Variants in CILK1 observed in about 807,000 individuals in gnomAD.
CILK1 encodes the protein serine/threonine-protein kinase ICK.
In CILK1, 47 loss-of-function variants were observed where a neutral mutation model predicts 79.2. That is an observed-to-expected ratio of 0.59 (90% confidence interval 0.47 to 0.76). The LOEUF (loss-of-function observed/expected upper bound fraction) is 0.76. Among genes scored for constraint, CILK1 ranks in the 30% least tolerant of loss-of-function variants. The pLI is 0.00. For synonymous variants in CILK1, 266 were observed against 275.9 expected (o/e 0.96, Z 0.36); for missense variants, 660 against 769.5 (o/e 0.86, Z 1.68).
intron 2 of CILK1, among the ~76,000 whole-genome samples, chr6:53,040,727 C>G (rs963942681): frequency 1.3e-5 from 2 of 152,204 alleles, no homozygotes; most frequent in African/African-American, 4.8e-5. Flanking sequence ...TACAATGTGT[C>G]TGGACTCAGG....
chr6:53,007,321 T>C (rs1308183500), intron 12 of CILK1, among the ~76,000 whole-genome samples: 1 of 152,160 alleles, frequency 6.6e-6, no homozygotes, highest in Non-Finnish European at 1.5e-5. Context: ...GTTGGTCAGC[T>C]GGGGTGTATT....
chr6:53,042,566 T>G (rs1283515077), intron 1 of CILK1, among the ~76,000 whole-genome samples: 2 of 152,250 alleles, frequency 1.3e-5, no homozygotes, highest in Non-Finnish European at 2.9e-5. Context: ...TCAAGGCCTA[T>G]GTGCAGGGTA....
chr6:53,020,415 A>C (rs1285751332), intron 5 of CILK1, among the ~76,000 whole-genome samples: 1 of 152,208 alleles, frequency 6.6e-6, no homozygotes, highest in African/African-American at 2.4e-5. Flanking sequence ...GCTGCTGCTG[A>C]TGCTATTATT....
At chr6:53,042,812 G>A (rs758883907) in intron 1 of CILK1, among the ~76,000 whole-genome samples, 1 of 152,136 alleles carries the variant, frequency 6.6e-6, no homozygotes, top group Non-Finnish European at 1.5e-5. Context: ...CAGGACCCTG[G>A]AATAGAAAAG....
intron 3 of CILK1, among the ~76,000 whole-genome samples, chr6:53,034,389 G>C (rs899139422): frequency 2.0e-5 from 3 of 152,144 alleles, no homozygotes; most frequent in Admixed American, 6.5e-5. Context: ...TGTGGGGGAC[G>C]TCAAGTGACT....
intron 1 of CILK1, among the ~76,000 whole-genome samples, chr6:53,043,065 C>T (rs1468923392): frequency 1.3e-5 from 2 of 152,108 alleles, no homozygotes; most frequent in Non-Finnish European, 2.9e-5. Flanking sequence ...ACTGTAATCC[C>T]AGCACTCTGG....
At position 53,037,939 on chromosome 6, in the gene CILK1, C is replaced by T; in HGVS notation, c.156G>A (p.Lys52=). The T allele has an allele frequency of 6.5e-7, 1 of 1,546,548 alleles. No homozygotes were observed. Among genetic ancestry groups the T allele is most frequent in the Non-Finnish European group, 8.9e-7 (1 of 1,118,806 alleles). Residue 52 remains lysine, a splice_region_variant and synonymous_variant, in exon 3 of 14, where the codon AAG becomes AAA. Transcript: ENST00000676107. The part of the protein sequence containing the change: ...WEECMNLREV[K]SLKKLNHANV... ...TATTCCTTGGTATATTAATATATAC[C>T]TTAACCTCCCGAAGGTTCATGCATT...
intron 12 of CILK1, among the ~76,000 whole-genome samples, chr6:53,008,828 A>T (rs1401637836): frequency 6.6e-6 from 1 of 152,142 alleles, no homozygotes; most frequent in Non-Finnish European, 1.5e-5. Flanking sequence ...CACCTAATGG[A>T]TGAAGGCAGT....
At chr6:53,046,369 CCCTT>C (rs922504556) in intron 1 of CILK1, among the ~76,000 whole-genome samples, 4 of 152,058 alleles carry the variant, frequency 2.6e-5, no homozygotes, top group African/African-American at 9.7e-5. Context: ...TAATTAATGT[CCCTT>C]CCTCATCCAC....
Position 53,002,440 on chromosome 6 carries a change from T to A in CILK1, c.*2709A>T, listed in dbSNP as rs760018826. 1 of 152,202 alleles carries A rather than the reference T, an allele frequency of 6.6e-6. No individual in the cohort carries two copies. Among genetic ancestry groups the A allele is most frequent in the African/African-American group, 2.4e-5 (1 of 41,444 alleles). 9.4% of individuals were successfully genotyped at this position (152,202 alleles called of 1,614,324 possible). ...TGGTGTCTTACATTACATTTCATAA[T>A]TGTATAGTAACAAAAAATAGAGGTA... is the stretch of plus-strand genomic sequence containing the variant. On this transcript the variant is annotated 3_prime_UTR_variant, in exon 14 of 14. Coordinates refer to ENST00000676107, the MANE Select transcript of CILK1 (RefSeq NM_014920.5).
intron 5 of CILK1, among the ~76,000 whole-genome samples, chr6:53,027,643 G>A (rs1208972740): frequency 6.6e-6 from 1 of 152,172 alleles, no homozygotes; most frequent in African/African-American, 2.4e-5. Context: ...AGAGGTACAC[G>A]TGCACTTAAC....
At chr6:53,059,317 C>T (rs868760927) in intron 1 of CILK1, among the ~76,000 whole-genome samples, 3 of 152,166 alleles carry the variant, frequency 2.0e-5, no homozygotes, top group Admixed American at 6.5e-5. Context: ...CAGGCCCTTG[C>T]CCCAATTCTG....
intron 5 of CILK1, among the ~76,000 whole-genome samples, chr6:53,020,085 T>C (rs991737401): frequency 2.0e-5 from 3 of 152,248 alleles, no homozygotes; most frequent in African/African-American, 4.8e-5. Context: ...GATTGTGGTG[T>C]ATGTTGCAAC....
intron 1 of CILK1, among the ~76,000 whole-genome samples, chr6:53,045,708 ATC>A (rs1767025705): frequency 6.6e-6 from 1 of 150,556 alleles, no homozygotes; most frequent in African/African-American, 2.4e-5. Context: ...GTTGAGACAC[ATC>A]TGTGTATGAA....
Position 53,035,636 on chromosome 6 carries a change from C to T in CILK1, c.156+2303G>A, listed in dbSNP as rs114862254. Among the ~76,000 whole-genome samples the T allele has an allele frequency of 4.8e-3, 729 of 152,220 alleles. 4 individuals carry two copies. The highest frequency in any genetic ancestry group is 0.017 in the African/African-American group (705 of 41,540). ...CTTCATGGGCAGACATGCAAATGTA[C>T]AGGCAGGCAGCAATGAGGAGAAAGG... is the stretch of plus-strand genomic sequence containing the variant. On this transcript the variant is annotated intron_variant, in intron 3 of 13. Transcript: ENST00000676107.
chr6:53,054,725 A>C (rs189002971), intron 1 of CILK1: 42 of 152,376 alleles, frequency 2.8e-4, no homozygotes, highest in African/African-American at 9.6e-4. Flanking sequence ...AGACAGCTTT[A>C]TCTCTCTTTC....
In CILK1 at chr6:53,019,423, T is replaced by C. The variant is rs571435906; in HGVS notation, c.359-64A>G. The C allele has an allele frequency of 7.7e-6, 12 of 1,559,398 alleles. No homozygotes were observed. In the African/African-American group the frequency reaches 1.4e-4, roughly 18 times the overall value. Reference sequence around the variant, plus strand: ...TTTGCTTCGTATTATTCTTTGCAATTGTATTGCTCTCTGCAAAATAGTTAT... The same window carrying C: ...TTTGCTTCGTATTATTCTTTGCAATCGTATTGCTCTCTGCAAAATAGTTAT... On this transcript the variant is annotated intron_variant, in intron 5 of 13. Coordinates refer to ENST00000676107, the MANE Select transcript of CILK1 (RefSeq NM_014920.5).
intron 1 of CILK1, among the ~76,000 whole-genome samples, chr6:53,044,789 C>G (rs1372799353): frequency 6.6e-6 from 1 of 152,112 alleles, no homozygotes; most frequent in Non-Finnish European, 1.5e-5. Flanking sequence ...TTTACCTCTC[C>G]CCCACACACC....
chr6:53,006,462 A>T, intron 12 of CILK1, 25 bp from the exon 13 acceptor site: 1 of 1,611,264 alleles, frequency 6.2e-7, no homozygotes, highest in Non-Finnish European at 8.5e-7. Flanking sequence ...CAAAAAGCTC[A>T]TTATTACAAA....
Sources: allele counts gnomAD v4.1 joint callset (sites outside exome capture counted in the v4.1 genomes callset), GRCh38; gene constraint gnomAD v4.1.1; transcripts MANE v1.5; gene names NCBI Gene and HGNC (gene_info 2026-07-23, HGNC 2026-07-21).